Variants in ZNF92 observed in about 807,000 individuals in gnomAD.
ZNF92 encodes the protein zinc finger protein 92.
A neutral mutation model predicts 12.4 loss-of-function variants in ZNF92; 11 were observed. The ratio of observed to expected loss-of-function variants is 0.89; its 90% confidence interval spans 0.56 to 1.47. The LOEUF is 1.47. Ranked by LOEUF, ZNF92 falls within the 40% of genes most tolerant of loss-of-function variation. The pLI is 0.00. For synonymous variants in ZNF92, 206 were observed against 228.6 expected (o/e 0.90, Z 0.89); for missense variants, 622 against 681.0 (o/e 0.91, Z 0.96).
chr7:65,390,349 A>G (rs1341696228), intron 3 of ZNF92, among the ~76,000 whole-genome samples: 1 of 152,132 alleles, frequency 6.6e-6, no homozygotes, highest in Non-Finnish European at 1.5e-5. Context: ...TTGGCACAAT[A>G]TAGTTTTGCA....
At chr7:65,374,059 G>T (rs1213676468) in intron 1 of ZNF92, 59 bp downstream of exon 1, 4 of 1,612,218 alleles carry the variant, frequency 2.5e-6, no homozygotes, top group Admixed American at 1.7e-5. Flanking sequence ...GAACCGATTG[G>T]AAGTGGCTGT....
intron 1 of ZNF92, among the ~76,000 whole-genome samples, chr7:65,375,964 G>A (rs1434519639): frequency 6.6e-6 from 1 of 152,012 alleles, no homozygotes; most frequent in Non-Finnish European, 1.5e-5. Flanking sequence ...CCAGGCTGGA[G>A]TGCAGTGGCG....
chr7:65,375,155 C>A (rs541495153), intron 1 of ZNF92, among the ~76,000 whole-genome samples: 2 of 152,006 alleles, frequency 1.3e-5, no homozygotes, highest in Admixed American at 1.3e-4. Context: ...TTTTTATCTT[C>A]CTTAGGCACA....
chr7:65,393,151 G>A (rs963063230), intron 3 of ZNF92, among the ~76,000 whole-genome samples: 4 of 152,024 alleles, frequency 2.6e-5, no homozygotes, highest in South Asian at 4.1e-4. Context: ...CTCAGTACCC[G>A]TTAAGCAATA....
intron 1 of ZNF92, among the ~76,000 whole-genome samples, chr7:65,382,856 C>T (rs902315197): frequency 6.6e-6 from 1 of 152,082 alleles, no homozygotes; most frequent in African/African-American, 2.4e-5. Context: ...AATGCAAATC[C>T]TTTTAGTTAT....
Position 65,400,084 on chromosome 7 carries a change from CATTT to C in ZNF92, c.*212_*215del, listed in dbSNP as rs1793972559. ...CCTCACACCTTATTGCACAGGAAAG[CATTT>C]ATACTTGAGAAAAATTGTATAAAGA... On this transcript the variant is annotated 3_prime_UTR_variant, in exon 4 of 4. Transcript: ENST00000328747. 1 of 438,260 alleles carries C rather than the reference CATTT, an allele frequency of 2.3e-6. No individual in the cohort carries two copies. The highest frequency in any genetic ancestry group is 4.0e-6 in the Non-Finnish European group (1 of 252,832). 27.1% of individuals were successfully genotyped at this position (438,260 alleles called of 1,614,324 possible).
chr7:65,389,178 C>T (rs540991770), intron 3 of ZNF92, among the ~76,000 whole-genome samples: 3 of 152,060 alleles, frequency 2.0e-5, no homozygotes, highest in African/African-American at 4.8e-5. Context: ...AGGCTAGTCT[C>T]GAACTCTCGA....
At chr7:65,387,867 A>G (rs1305785215) in intron 1 of ZNF92, 35 bp from the exon 2 acceptor site, 7 of 1,553,876 alleles carry the variant, frequency 4.5e-6, no homozygotes, top group Middle Eastern at 1.7e-4. Flanking sequence ...CTTAGTAAAC[A>G]TATGTGTGTT....
chr7:65,399,964 A>G lies in ZNF92; in HGVS notation c.*89A>G. ...TAGAAATGTGAGGAATATGACAAGG[A>G]CTTTAAATGGTTGTCACGCTTGATT... On this transcript the variant is annotated 3_prime_UTR_variant, in exon 4 of 4. Coordinates refer to ENST00000328747, the MANE Select transcript of ZNF92 (RefSeq NM_152626.4). 8.6e-7 allele frequency: 1 copy of G among 1,167,658 alleles called. No individual in the cohort carries two copies. The highest frequency in any genetic ancestry group is 1.2e-6 in the Non-Finnish European group (1 of 840,452). 72.3% of individuals were successfully genotyped at this position (1,167,658 alleles called of 1,614,324 possible).
chr7:65,399,305 C>A lies in ZNF92; in HGVS notation c.1191C>A (p.Tyr397Ter), dbSNP rs762163019. ...GAATTCATACGGGAGAAAAACCCTA[C>A]AAATGTGAAGAATGTGGCAAAGCTT... ...HKRIHTGEKP[Y>*]KCEECGKAFK... Residue 397 changes from tyrosine (Y) to a stop codon, truncating the protein, a stop_gained, in exon 4 of 4, where the codon TAC (tyrosine) becomes TAA (stop). Coordinates refer to ENST00000328747, the MANE Select transcript of ZNF92 (RefSeq NM_152626.4). LOFTEE classifies it low-confidence loss of function (END_TRUNC). 1 of 1,613,062 alleles carries A rather than the reference C, an allele frequency of 6.2e-7. No individual in the cohort carries two copies. Among genetic ancestry groups the A allele is most frequent in the Non-Finnish European group, 8.5e-7 (1 of 1,179,538 alleles).
intron 1 of ZNF92, among the ~76,000 whole-genome samples, chr7:65,379,028 C>T (rs1315137641): frequency 1.3e-5 from 2 of 151,600 alleles, no homozygotes; most frequent in Non-Finnish European, 2.9e-5. Flanking sequence ...TTGACTTTTC[C>T]CGGGTTGTAT....
intron 1 of ZNF92, among the ~76,000 whole-genome samples, chr7:65,377,343 G>A (rs1793270369): frequency 6.6e-6 from 1 of 152,004 alleles, no homozygotes; most frequent in Non-Finnish European, 1.5e-5. Flanking sequence ...CCCTGAAGAT[G>A]TCCCAGCCTG....
rs111836073 is a variant in ZNF92 at position 65,395,676 on chromosome 7, G to C, written c.227-2665G>C. On this transcript the variant is annotated intron_variant, in intron 3 of 3. Coordinates refer to ENST00000328747, the MANE Select transcript of ZNF92 (RefSeq NM_152626.4). ...TGAGAGCTAGTTTATTAAAAGAGTA[G>C]ACAGTTATGGTAGTTATAGATTCCT... is the stretch of plus-strand genomic sequence containing the variant. 9.7e-3 allele frequency among the ~76,000 whole-genome samples: 1,478 copies of C among 152,164 alleles called. 27 individuals are homozygous for C. Among genetic ancestry groups the C allele is most frequent in the African/African-American group, 0.034 (1,403 of 41,504 alleles).
In ZNF92 at chr7:65,398,601, AATAAG is replaced by A. The variant is rs765254103; in HGVS notation, c.494_498del (p.Ile165ThrfsTer10). The A allele has an allele frequency of 1.2e-5, 19 of 1,608,954 alleles. No individual in the cohort carries two copies. Among genetic ancestry groups the A allele is most frequent in the East Asian group, 4.5e-5 (2 of 44,818 alleles). On this transcript the variant is annotated frameshift_variant, in exon 4 of 4. Transcript: ENST00000328747. LOFTEE classifies it low-confidence loss of function (END_TRUNC). ...TCATAAATTTCCAAATGTAAATAGA[AATAAG>A]ATAAGACATACTGGAAAGAAACCTT...
chr7:65,373,869 C>T lies in ZNF92; in HGVS notation c.-129C>T, dbSNP rs1038517423. On this transcript the variant is annotated 5_prime_UTR_variant, in exon 1 of 4. Transcript: ENST00000328747. Reference sequence around the variant, plus strand: ...GCGGGGCCTTTGTCTCTCGCTGCAGCCGGCGCTCCACGTCTAGTCTTCACT... The same window carrying T: ...GCGGGGCCTTTGTCTCTCGCTGCAGTCGGCGCTCCACGTCTAGTCTTCACT... 5 of 1,317,792 alleles carry T rather than the reference C, an allele frequency of 3.8e-6. No homozygotes were observed. Among genetic ancestry groups the T allele is most frequent in the Non-Finnish European group, 5.5e-6 (5 of 915,024 alleles). The allele number at this position is 1,317,792 out of a possible 1,614,324, so 81.6% of individuals were successfully genotyped here. A position where few individuals can be genotyped will look rare whatever the true frequency, so the allele number is the denominator to read the frequency against.
chr7:65,397,760 G>GT (rs1015235337), intron 3 of ZNF92, among the ~76,000 whole-genome samples: 5 of 152,110 alleles, frequency 3.3e-5, no homozygotes, highest in African/African-American at 1.2e-4. Flanking sequence ...GTTCATTTGT[G>GT]TTTTTTGTTA....
chr7:65,376,288 A>G (rs893575101), intron 1 of ZNF92, among the ~76,000 whole-genome samples: 2 of 152,016 alleles, frequency 1.3e-5, no homozygotes, highest in African/African-American at 4.8e-5. Context: ...ACTTATTTTG[A>G]CTTTCATTTT....
intron 3 of ZNF92, among the ~76,000 whole-genome samples, chr7:65,389,150 G>A (rs1023260763): frequency 5.9e-5 from 9 of 151,882 alleles, no homozygotes; most frequent in Admixed American, 2.6e-4. Flanking sequence ...GTAGAGACGG[G>A]GTGTCTCCAT....
chr7:65,389,819 A>C (rs1793664353), intron 3 of ZNF92, among the ~76,000 whole-genome samples: 1 of 151,370 alleles, frequency 6.6e-6, no homozygotes, highest in Non-Finnish European at 1.5e-5. Flanking sequence ...CTAGCCCAGA[A>C]ATTTATTATT....
Sources: gnomAD v4.1 joint callset for allele counts (sites outside exome capture counted in the v4.1 genomes callset) on GRCh38, gnomAD v4.1.1 for gene constraint, MANE v1.5 for transcripts, NCBI Gene and HGNC (gene_info 2026-07-23, HGNC 2026-07-21) for gene names.